The following RMND5A variants were observed in gnomAD, a reference collection of about 807,000 sequenced individuals.
RMND5A encodes E3 ubiquitin-protein transferase RMND5A.
RMND5A carries 17 observed loss-of-function variants against 49.7 expected under a neutral mutation model. That is an observed-to-expected ratio of 0.34 (90% CI 0.23 to 0.51). The LOEUF (loss-of-function observed/expected upper bound fraction) is 0.51, where lower values mean the gene tolerates loss of function less well. Among genes scored for constraint, RMND5A ranks in the 20% least tolerant of loss-of-function variants. The pLI is 0.96. For missense variants in RMND5A, 255 were observed against 471.3 expected (o/e 0.54, Z 4.25); for synonymous variants, 156 against 167.7 (o/e 0.93, Z 0.54).
chr2:86,769,784 G>T (rs1255875098), intron 6 of RMND5A, among the ~76,000 whole-genome samples: 2 of 151,990 alleles, frequency 1.3e-5, no homozygotes, highest in Non-Finnish European at 2.9e-5. Flanking sequence ...TTTTAACTGG[G>T]ATTGGTTTTC....
chr2:86,765,067 A>G lies in RMND5A; in HGVS notation c.562A>G (p.Ser188Gly), dbSNP rs1335760688. ...SNREMLIAQN[S>G]SLEFKLHRLY... ...CCGGGAAATGCTTATAGCTCAAAACAGCTCCTTGGAATTTAAGCTACACAG... is the reference window on the plus strand; with the variant it reads ...CCGGGAAATGCTTATAGCTCAAAACGGCTCCTTGGAATTTAAGCTACACAG... The change falls in exon 5 of 9, where the codon AGC (serine) becomes GGC (glycine). Residue 188 changes from serine to glycine, a missense_variant. By Grantham distance (56) the Ser-to-Gly change is moderately conservative. This residue lies in a region of RMND5A where 208 missense variants were observed against 339.8 expected (regional missense o/e 0.61). Coordinates refer to ENST00000283632, the MANE Select transcript of RMND5A (RefSeq NM_022780.4). 1.2e-6 allele frequency: 2 copies of G among 1,613,420 alleles called. No individual in the cohort carries two copies. Among genetic ancestry groups the G allele is most frequent in the Non-Finnish European group, 1.7e-6 (2 of 1,179,746 alleles).
At chr2:86,729,036 G>A (rs1217056748) in intron 1 of RMND5A, among the ~76,000 whole-genome samples, 2 of 152,126 alleles carry the variant, frequency 1.3e-5, no homozygotes, top group Non-Finnish European at 2.9e-5. Flanking sequence ...TTATAGGCGT[G>A]AGCCACCACG....
rs905799345 is a variant in RMND5A, at chr2:86,760,101, A to G, written c.522-4926A>G. ...CTCTTGTTGCCCAGGCTGGAGTGCAATGGCGCAATCTTGGCTCACCACAAC... is the reference window on the plus strand; with the variant it reads ...CTCTTGTTGCCCAGGCTGGAGTGCAGTGGCGCAATCTTGGCTCACCACAAC... On this transcript the variant is annotated intron_variant, in intron 4 of 8. Coordinates refer to ENST00000283632, the MANE Select transcript of RMND5A (RefSeq NM_022780.4). Among the ~76,000 whole-genome samples, 160 of 151,688 alleles carry G rather than the reference A, an allele frequency of 1.1e-3. 1 individual carries two copies. The highest frequency in any genetic ancestry group is 3.7e-3 in the African/African-American group (151 of 41,366).
intron 8 of RMND5A, among the ~76,000 whole-genome samples, chr2:86,772,161 A>G (rs1294658589): frequency 2.0e-5 from 3 of 152,192 alleles, no homozygotes; most frequent in Non-Finnish European, 4.4e-5. Flanking sequence ...AAACAGTGCT[A>G]AGTGAAGGCC....
intron 6 of RMND5A, among the ~76,000 whole-genome samples, chr2:86,768,614 G>A (rs561829386): frequency 7.2e-5 from 11 of 152,310 alleles, no homozygotes; most frequent in African/African-American, 1.9e-4. Context: ...CTGTGGGCCC[G>A]TGGAGTTGTC....
At chr2:86,725,031 G>A (rs995389884) in intron 1 of RMND5A, among the ~76,000 whole-genome samples, 1 of 33,796 alleles carries the variant, frequency 3.0e-5, no homozygotes, top group Admixed American at 3.1e-4. Flanking sequence ...GAAACAGTTG[G>A]TAATGGTTTC....
chr2:86,720,692 C>T lies in RMND5A; in HGVS notation c.25C>T (p.Arg9Cys), dbSNP rs1408267278. 3.2e-6 allele frequency: 5 copies of T among 1,570,410 alleles called. No homozygotes were observed. Among genetic ancestry groups the T allele is most frequent in the East Asian group, 2.4e-5 (1 of 42,308 alleles). Residue 9 changes from arginine (R) to cysteine (C), a missense_variant, in exon 1 of 9, where the codon CGC becomes TGC. Coordinates refer to ENST00000283632, the MANE Select transcript of RMND5A (RefSeq NM_022780.4). ...CATGGATCAGTGCGTGACGGTGGAG[C>T]GCGAGCTGGAGAAGGTGCTGCACAA... is the stretch of plus-strand genomic sequence containing the variant. MDQCVTVE[R>C]ELEKVLHKFS...
intron 2 of RMND5A, among the ~76,000 whole-genome samples, chr2:86,743,089 T>G (rs1159326646): frequency 6.6e-6 from 1 of 152,196 alleles, no homozygotes; most frequent in East Asian, 1.9e-4. Flanking sequence ...CTTGTCCTGC[T>G]TGCTCCTGGT....
At position 86,770,065 on chromosome 2, in the gene RMND5A, C is replaced by A. The variant is rs1272405107; in HGVS notation, c.897C>A (p.Ile299=). The A allele has an allele frequency of 6.2e-7, 1 of 1,613,984 alleles. No individual in the cohort carries two copies. Among genetic ancestry groups the A allele is most frequent in the East Asian group, 2.2e-5 (1 of 44,878 alleles). The change falls in exon 7 of 9, where the codon ATC becomes ATA. Residue 299 remains isoleucine (I), a synonymous_variant. Transcript: ENST00000283632. ...GCVALPALIN[I]KAVIEQRQCT... is the part of the protein sequence containing the mutation. Reference sequence around the variant, plus strand: ...TGGCGCTGCCAGCTTTAATTAACATCAAAGCCGTGATTGAACAGAGGCAGT... The same window carrying A: ...TGGCGCTGCCAGCTTTAATTAACATAAAAGCCGTGATTGAACAGAGGCAGT...
chr2:86,765,276 A>G, intron 5 of RMND5A, 83 bp downstream of exon 5: 1 of 1,209,000 alleles, frequency 8.3e-7, no homozygotes, highest in Non-Finnish European at 1.2e-6. Context: ...ACTAGAGCTA[A>G]TACCTGTTTG....
At chr2:86,753,389 A>G in intron 3 of RMND5A, 69 bp from the exon 4 acceptor site, 1 of 890,684 alleles carries the variant, frequency 1.1e-6, no homozygotes, top group Non-Finnish European at 1.8e-6. Context: ...AATCTAGAAT[A>G]TACTTTTACC....
chr2:86,732,388 A>G (rs1374580041), intron 1 of RMND5A, among the ~76,000 whole-genome samples: 1 of 149,704 alleles, frequency 6.7e-6, no homozygotes, highest in African/African-American at 2.6e-5. Flanking sequence ...TGAGAAACGT[A>G]CTTGTCAATA....
intron 6 of RMND5A, among the ~76,000 whole-genome samples, chr2:86,769,365 C>T (rs559671783): frequency 6.6e-6 from 1 of 152,220 alleles, no homozygotes; most frequent in East Asian, 1.9e-4. Context: ...TTCTAATTAG[C>T]GTATACCTTG....
chr2:86,765,613 TTATAC>T, intron 5 of RMND5A: 1 of 430,040 alleles, frequency 2.3e-6, no homozygotes, highest in South Asian at 3.3e-5. Context: ...GTAATGGTAA[TTATAC>T]TATGCTGTAG....
Position 86,777,275 on chromosome 2 carries a change from AC to A in RMND5A, c.*3865del, listed in dbSNP as rs1413042089. On this transcript the variant is annotated 3_prime_UTR_variant, in exon 9 of 9. Transcript: ENST00000283632. ...TGGGTGAGGACCTACATACACTCTT[AC>A]TTTAGCAGTCACTTAACCTTCTCCA... is the stretch of plus-strand genomic sequence containing the variant. The A allele has an allele frequency of 6.6e-6, 1 of 152,174 alleles. No individual in the cohort carries two copies. The highest frequency in any genetic ancestry group is 1.5e-5 in the Non-Finnish European group (1 of 68,042). 9.4% of individuals were successfully genotyped at this position (152,174 alleles called of 1,614,324 possible).
chr2:86,757,387 C>T (rs1681762819), intron 4 of RMND5A, among the ~76,000 whole-genome samples: 1 of 152,124 alleles, frequency 6.6e-6, no homozygotes, highest in Non-Finnish European at 1.5e-5. Flanking sequence ...TTTATGCTCA[C>T]CCAGATTGTT....
chr2:86,743,765 CACCTGAGGTGAGGAGTTCG>C (rs1205875352), intron 2 of RMND5A, among the ~76,000 whole-genome samples: 1 of 152,034 alleles, frequency 6.6e-6, no homozygotes, highest in Non-Finnish European at 1.5e-5. Flanking sequence ...GCAGGCGGAT[CACCTGAGGTGAGGAGTTCG>C]AGACTAGCTT....
chr2:86,765,687 C>T (rs987677085), intron 5 of RMND5A, 172 bp from the exon 6 acceptor site: 1 of 578,748 alleles, frequency 1.7e-6, no homozygotes, highest in East Asian at 2.9e-5. Context: ...TCCCTTTTCT[C>T]TCCATGCTGT....
chr2:86,771,642 C>T lies in RMND5A; in HGVS notation c.1042C>T (p.Pro348Ser). The stretch of plus-strand genomic sequence containing the variant: ...TCGTCAGCAAACAACAGATAACAAT[C>T]CACCCATGAAATTGGTCTGTGGTCA... Reference protein sequence around the residue: ...ILRQQTTDNNPPMKLVCGHII... With the variant: ...ILRQQTTDNNSPMKLVCGHII... Residue 348 changes from proline (P) to serine (S), a missense_variant, in exon 8 of 9, where the codon CCA becomes TCA. Transcript: ENST00000283632. 6.2e-7 allele frequency: 1 copy of T among 1,613,460 alleles called. No individual in the cohort carries two copies. Among genetic ancestry groups the T allele is most frequent in the Non-Finnish European group, 8.5e-7 (1 of 1,179,674 alleles).
Sources: gnomAD v4.1 joint callset for allele counts (sites outside exome capture counted in the v4.1 genomes callset) on GRCh38, gnomAD v4.1.1 for gene constraint, gnomAD v4.1.1 regional missense constraint, MANE v1.5 for transcripts, NCBI Gene and HGNC (gene_info 2026-07-23, HGNC 2026-07-21) for gene names.